The following LVRN variants were observed in gnomAD, a reference collection of about 807,000 sequenced individuals.
LVRN encodes the protein aminopeptidase Q.
In LVRN, 99 loss-of-function variants were observed where a neutral mutation model predicts 111.4. That is an observed-to-expected ratio of 0.89 (90% CI 0.76 to 1.05). The LOEUF (loss-of-function observed/expected upper bound fraction) is 1.05, where lower values mean the gene tolerates loss of function less well. Ranked by LOEUF, LVRN falls within the 50% of genes least tolerant of loss-of-function variation. LVRN has a pLI of 0.00. For synonymous variants in LVRN, 488 were observed against 449.5 expected, an observed-to-expected ratio of 1.09 and a Z score of -1.08; for missense variants, 1,414 against 1,206.8, an observed-to-expected ratio of 1.17 and a Z score of -2.54.
rs758161516 is a variant in LVRN, at chr5:115,963,122, G to A, written c.505G>A (p.Ala169Thr). 4.3e-6 allele frequency: 7 copies of A among 1,613,490 alleles called. No individual in the cohort carries two copies. Among genetic ancestry groups the A allele is most frequent in the Middle Eastern group, 1.6e-4 (1 of 6,062 alleles). Residue 169 changes from alanine (A) to threonine (T), a missense_variant, in exon 1 of 20, where the codon GCC becomes ACC. By Grantham distance (58) the Ala-to-Thr change is moderately conservative (BLOSUM62 0). Coordinates refer to ENST00000357872, the MANE Select transcript of LVRN (RefSeq NM_173800.5). Reference protein sequence around the residue: ...RGPLSPGTGNATVGRVPVDDV... With the variant: ...RGPLSPGTGNTTVGRVPVDDV... The stretch of plus-strand genomic sequence containing the variant: ...ACCCCTTTCCCCGGGCACTGGGAAC[G>A]CCACAGTGGGCCGCGTGCCCGTGGA...
Position 116,026,138 on chromosome 5 carries a change from A to C in LVRN, c.*20A>C. On this transcript the variant is annotated 3_prime_UTR_variant, in exon 20 of 20. Transcript: ENST00000357872. ...ACATAGCTTGTGGCTATCTTTCAGC[A>C]CTCCTCTTGCATATTATAATGTAGT... 6.2e-7 allele frequency: 1 copy of C among 1,613,180 alleles called. No individual in the cohort carries two copies. The highest frequency in any genetic ancestry group is 8.5e-7 in the Non-Finnish European group (1 of 1,179,566).
At chr5:115,973,625 A>G (rs757357392) in intron 1 of LVRN, among the ~76,000 whole-genome samples, 3 of 152,188 alleles carry the variant, frequency 2.0e-5, no homozygotes, top group Non-Finnish European at 4.4e-5. Context: ...TCATGAGTAA[A>G]CTGTGGCAGT....
intron 3 of LVRN, among the ~76,000 whole-genome samples, chr5:115,985,888 G>A (rs1747847646): frequency 6.6e-6 from 1 of 152,148 alleles, no homozygotes; most frequent in Non-Finnish European, 1.5e-5. Flanking sequence ...GAAAAATCAG[G>A]CCCTATAGCT....
intron 4 of LVRN, among the ~76,000 whole-genome samples, chr5:115,989,033 T>C (rs1225219816): frequency 6.6e-6 from 1 of 152,040 alleles, no homozygotes; most frequent in Non-Finnish European, 1.5e-5. Flanking sequence ...CTTCTTACTG[T>C]CCCCCTAGTT....
intron 6 of LVRN, among the ~76,000 whole-genome samples, chr5:115,995,940 A>G (rs1170714008): frequency 2.9e-5 from 3 of 102,626 alleles, no homozygotes; most frequent in Non-Finnish European, 5.8e-5. Flanking sequence ...ATCCTCAAGA[A>G]GCTAATCGTG....
intron 18 of LVRN, among the ~76,000 whole-genome samples, chr5:116,016,524 A>T (rs1229633496): frequency 1.3e-5 from 2 of 152,226 alleles, no homozygotes; most frequent in African/African-American, 4.8e-5. Context: ...TCTGACGCAC[A>T]TTCCACTGCA....
chr5:115,996,658 T>C (rs1459017428), intron 6 of LVRN, among the ~76,000 whole-genome samples: 1 of 152,204 alleles, frequency 6.6e-6, no homozygotes, highest in Non-Finnish European at 1.5e-5. Context: ...TGGATTATGC[T>C]CAAGGGGTCA....
chr5:115,964,525 T>C (rs531542304), intron 1 of LVRN, among the ~76,000 whole-genome samples: 9 of 152,356 alleles, frequency 5.9e-5, no homozygotes, highest in African/African-American at 2.2e-4. Context: ...AAGAAATCTT[T>C]TGAAATTACT....
intron 19 of LVRN, 105 bp downstream of exon 19, chr5:116,022,571 C>A: frequency 2.6e-6 from 2 of 777,252 alleles, no homozygotes; most frequent in Non-Finnish European, 4.3e-6. Flanking sequence ...TGAATTATTA[C>A]ATTCTATGCT....
At chr5:116,019,574 T>G (rs1748670925) in intron 18 of LVRN, among the ~76,000 whole-genome samples, 1 of 152,268 alleles carries the variant, frequency 6.6e-6, no homozygotes, top group South Asian at 2.1e-4. Context: ...TGCTTTTTTA[T>G]GAAAATGTTT....
intron 19 of LVRN, 86 bp from the exon 20 acceptor site, chr5:116,025,892 T>C: frequency 6.5e-7 from 1 of 1,539,648 alleles, no homozygotes; most frequent in Non-Finnish European, 8.8e-7. Context: ...ATTTACAAAC[T>C]CATGTTGCTA....
In LVRN at chr5:115,993,803, A is replaced by C. The variant is rs770726349; in HGVS notation, c.1323A>C (p.Ala441=). 1 of 1,610,814 alleles carries C rather than the reference A, an allele frequency of 6.2e-7. No homozygotes were observed. Among genetic ancestry groups the C allele is most frequent in the South Asian group, 1.1e-5 (1 of 89,926 alleles). Residue 441 remains alanine (A), a synonymous_variant, in exon 6 of 20, where the codon GCA becomes GCC. Transcript: ENST00000357872. The part of the protein sequence containing the change: ...WNNIWLNEGF[A]SYFEFEVINY... ...ATATCTGGCTCAACGAGGGTTTTGCATCTTATTTTGAGTTTGAAGTAATTA... is the reference window on the plus strand; with the variant it reads ...ATATCTGGCTCAACGAGGGTTTTGCCTCTTATTTTGAGTTTGAAGTAATTA...
chr5:116,016,794 A>G (rs976344057), intron 18 of LVRN, among the ~76,000 whole-genome samples: 3 of 152,218 alleles, frequency 2.0e-5, no homozygotes, highest in Non-Finnish European at 2.9e-5. Flanking sequence ...CCAGTAGACC[A>G]GTTGTTCCAG....
At position 115,986,241 on chromosome 5, in the gene LVRN, G is replaced by A. The variant is rs191403785; in HGVS notation, c.978+1532G>A. On this transcript the variant is annotated intron_variant, in intron 3 of 19. Coordinates refer to ENST00000357872, the MANE Select transcript of LVRN (RefSeq NM_173800.5). The stretch of plus-strand genomic sequence containing the variant: ...AAATATAACACTGGCCAAGTTAAAC[G>A]TGCATGGCTTATATTTTTAAATCTG... Among the ~76,000 whole-genome samples, 53 of 152,262 alleles carry A rather than the reference G, an allele frequency of 3.5e-4. No individual in the cohort carries two copies. In the East Asian group the frequency reaches 7.5e-3, roughly 22 times the overall value.
chr5:116,011,333 A>T (rs1748485672), intron 14 of LVRN, among the ~76,000 whole-genome samples: 1 of 152,100 alleles, frequency 6.6e-6, no homozygotes, highest in African/African-American at 2.4e-5. Flanking sequence ...AAATCCAGAG[A>T]GATATATTCC....
rs73783069 is a variant in LVRN at position 116,026,294 on chromosome 5, A to G, written c.*176A>G. On this transcript the variant is annotated 3_prime_UTR_variant, in exon 20 of 20. Transcript: ENST00000357872. ...TCATGTTTGGCCCTGAGGGTGGGTG[A>G]TTGCTGACAATTTTGCCAATGCTGC... The G allele has an allele frequency of 1.1e-6, 1 of 889,516 alleles. No individual in the cohort carries two copies. Among genetic ancestry groups the G allele is most frequent in the Non-Finnish European group, 1.7e-6 (1 of 603,438 alleles). 55.1% of individuals were successfully genotyped at this position (889,516 alleles called of 1,614,324 possible).
chr5:116,023,154 C>T (rs763954654), intron 19 of LVRN, among the ~76,000 whole-genome samples: 1 of 152,148 alleles, frequency 6.6e-6, no homozygotes, highest in Non-Finnish European at 1.5e-5. Context: ...CCCCTCCTCG[C>T]CTATGCTTTC....
intron 9 of LVRN, among the ~76,000 whole-genome samples, 156 bp from the exon 10 acceptor site, chr5:116,000,911 T>C (rs1748223689): frequency 6.6e-6 from 1 of 152,206 alleles, no homozygotes; most frequent in Non-Finnish European, 1.5e-5. Flanking sequence ...CATTCATATA[T>C]AAACAGAGTT....
intron 19 of LVRN, chr5:116,023,265 G>A (rs556325407): frequency 6.6e-6 from 1 of 152,298 alleles, no homozygotes; most frequent in Non-Finnish European, 1.5e-5. Flanking sequence ...AGCTCCCTGA[G>A]GACTGAGATA....
Sources: allele counts gnomAD v4.1 joint callset (sites outside exome capture counted in the v4.1 genomes callset), GRCh38; gene constraint gnomAD v4.1.1; transcripts MANE v1.5; gene names NCBI Gene and HGNC (gene_info 2026-07-23, HGNC 2026-07-21).